DOCK2: variants seen among roughly 807,000 people sequenced by gnomAD.
The protein encoded by DOCK2 is dedicator of cytokinesis protein 2.
Under a neutral mutation model 248.9 loss-of-function variants are expected in DOCK2, and 87 were observed. That is an observed-to-expected ratio of 0.35 (90% CI 0.29 to 0.42). DOCK2 has a LOEUF of 0.42. Among genes scored for constraint, DOCK2 ranks in the 10% least tolerant of loss-of-function variants. The pLI, the probability that DOCK2 is intolerant of heterozygous loss-of-function variation, is 1.00. For missense variants in DOCK2, 1,747 were observed against 2,300.2 expected (o/e 0.76, Z 4.92); for synonymous variants, 805 against 821.6 (o/e 0.98, Z 0.35).
At chr5:169,801,146 G>GTTTTTTT (rs60574755) in intron 25 of DOCK2, among the ~76,000 whole-genome samples, 12 of 76,076 alleles carry the variant, frequency 1.6e-4, no homozygotes, top group Non-Finnish European at 3.1e-4. Context: ...ATAGTTTTGG[G>GTTTTTTT]TTTTTTTTTT....
intron 22 of DOCK2, among the ~76,000 whole-genome samples, chr5:169,736,833 T>A (rs1753728295): frequency 6.6e-6 from 1 of 152,230 alleles, no homozygotes; most frequent in Admixed American, 6.5e-5. Flanking sequence ...AATGAAAGTT[T>A]CTATCTCAAA....
At chr5:169,954,105 AT>A (rs1227841384) in intron 27 of DOCK2, among the ~76,000 whole-genome samples, 1 of 152,238 alleles carries the variant, frequency 6.6e-6, no homozygotes, top group African/African-American at 2.4e-5. Context: ...TTTATCAAAC[AT>A]ACTGAAAGTC....
chr5:169,774,321 T>C (rs1220199379), intron 25 of DOCK2, among the ~76,000 whole-genome samples: 1 of 152,240 alleles, frequency 6.6e-6, no homozygotes, highest in Admixed American at 6.5e-5. Context: ...CATGATTTTG[T>C]GCCAGGCCCC....
chr5:169,927,376 G>A (rs751326713), intron 27 of DOCK2, among the ~76,000 whole-genome samples: 2 of 152,158 alleles, frequency 1.3e-5, no homozygotes, highest in Non-Finnish European at 2.9e-5. Flanking sequence ...AGAGATTGCT[G>A]GACCCCATCC....
chr5:169,929,029 A>G (rs1298887843), intron 27 of DOCK2, among the ~76,000 whole-genome samples: 1 of 152,196 alleles, frequency 6.6e-6, no homozygotes, highest in East Asian at 1.9e-4. Context: ...TTGTGCCCTG[A>G]GAAGAGCAGA....
chr5:169,729,772 G>A (rs556287863), intron 22 of DOCK2, among the ~76,000 whole-genome samples: 4 of 152,102 alleles, frequency 2.6e-5, no homozygotes, highest in African/African-American at 7.2e-5. Context: ...TAGTGAGGGT[G>A]GGGGGTAGCA....
chr5:170,081,799 C>G (rs1361402854), intron 50 of DOCK2, 43 bp from the exon 51 acceptor site: 1 of 1,565,994 alleles, frequency 6.4e-7, no homozygotes, highest in African/African-American at 1.4e-5. Flanking sequence ...CACTGCCCCT[C>G]CTCTACCCAC....
intron 25 of DOCK2, among the ~76,000 whole-genome samples, chr5:169,782,671 C>T (rs1442971162): frequency 1.3e-5 from 2 of 152,088 alleles, no homozygotes; most frequent in African/African-American, 4.8e-5. Context: ...AATTCAACAG[C>T]CATGTAGGTC....
chr5:169,705,453 G>A (rs537003948), intron 14 of DOCK2, among the ~76,000 whole-genome samples: 1 of 152,248 alleles, frequency 6.6e-6, no homozygotes, highest in African/African-American at 2.4e-5. Flanking sequence ...GACCCCTGGG[G>A]CCAGACAGCC....
At chr5:170,070,237 C>T (rs1757636869) in intron 46 of DOCK2, among the ~76,000 whole-genome samples, 2 of 152,392 alleles carry the variant, frequency 1.3e-5, no homozygotes, top group African/African-American at 4.8e-5. Flanking sequence ...TGCCTGCCCT[C>T]CCTCGCTTTC....
chr5:169,731,941 G>T (rs895077009), intron 22 of DOCK2, among the ~76,000 whole-genome samples: 1 of 152,018 alleles, frequency 6.6e-6, no homozygotes. Flanking sequence ...GCAACATGGT[G>T]AAACCCCATC....
intron 27 of DOCK2, among the ~76,000 whole-genome samples, chr5:169,862,442 A>T (rs893590226): frequency 1.3e-5 from 2 of 152,140 alleles, no homozygotes; most frequent in South Asian, 2.1e-4. Context: ...ACTTTATTGG[A>T]TTATCCTCTA....
At chr5:169,745,904 G>A (rs554509728) in intron 22 of DOCK2, among the ~76,000 whole-genome samples, 84 of 152,286 alleles carry the variant, frequency 5.5e-4, no homozygotes, top group Admixed American at 5.0e-3. Context: ...GCCGGGGTGG[G>A]GGTGAGTTAG....
chr5:169,989,893 A>C (rs1778163947), intron 29 of DOCK2, among the ~76,000 whole-genome samples: 1 of 152,198 alleles, frequency 6.6e-6, no homozygotes. Context: ...GGTATAGCCA[A>C]ACTACTTCAC....
chr5:169,854,513 T>C (rs935749994), intron 27 of DOCK2, among the ~76,000 whole-genome samples: 1 of 152,232 alleles, frequency 6.6e-6, no homozygotes, highest in South Asian at 2.1e-4. Context: ...ATAATTTCAC[T>C]TTTCTTCTGA....
rs377065006 is a variant in DOCK2 at position 169,894,480 on chromosome 5, A to C, written c.2799+53628A>C. ...GTGCGCCATCCACCCTGGTACAGCAAAGCATTGGCAGGCAGCTGCAATGAA... is the reference window on the plus strand; with the variant it reads ...GTGCGCCATCCACCCTGGTACAGCACAGCATTGGCAGGCAGCTGCAATGAA... On this transcript the variant is annotated intron_variant, in intron 27 of 51. Coordinates refer to ENST00000520908, the MANE Select transcript of DOCK2 (RefSeq NM_004946.3). Among the ~76,000 whole-genome samples, 252 of 152,290 alleles carry C rather than the reference A, an allele frequency of 1.7e-3. 1 individual carries two copies. The highest frequency in any genetic ancestry group is 5.4e-3 in the African/African-American group (223 of 41,546).
chr5:169,699,559 T>G (rs573369495), intron 12 of DOCK2, 101 bp downstream of exon 12: 19 of 1,153,982 alleles, frequency 1.6e-5, no homozygotes, highest in Non-Finnish European at 2.4e-5. Flanking sequence ...ATACTTAGCT[T>G]TCCTTCCAGA....
At chr5:169,819,293 A>G (rs1256304481) in intron 26 of DOCK2, among the ~76,000 whole-genome samples, 1 of 148,760 alleles carries the variant, frequency 6.7e-6, no homozygotes, top group Admixed American at 6.7e-5. Context: ...CTGGGCAACA[A>G]GAGCAAAACT....
chr5:169,699,881 G>A, intron 12 of DOCK2, 133 bp from the exon 13 acceptor site: 1 of 1,309,906 alleles, frequency 7.6e-7, no homozygotes, highest in Non-Finnish European at 1.1e-6. Flanking sequence ...CTGTGGGCTG[G>A]GTGGCTGCAT....
Sources: gnomAD v4.1 joint callset for allele counts (sites outside exome capture counted in the v4.1 genomes callset) on GRCh38, gnomAD v4.1.1 for gene constraint, MANE v1.5 for transcripts, NCBI Gene and HGNC (gene_info 2026-07-23, HGNC 2026-07-21) for gene names.